ERC1: variants seen among roughly 807,000 people sequenced by gnomAD.
ERC1 encodes RAB6 interacting protein 2.
ERC1 carries 56 observed loss-of-function variants against 132.0 expected under a neutral mutation model. That is an observed-to-expected ratio of 0.42 (90% CI 0.34 to 0.53). The LOEUF (loss-of-function observed/expected upper bound fraction) is 0.53. Ranked by LOEUF, ERC1 falls within the 20% of genes least tolerant of loss-of-function variation. ERC1 has a pLI of 0.03. For synonymous variants in ERC1, 478 were observed against 476.1 expected (o/e 1.00, Z -0.05); for missense variants, 1,202 against 1,349.9 (o/e 0.89, Z 1.72).
chr12:1,104,542 A>G (rs570902826), intron 3 of ERC1, among the ~76,000 whole-genome samples: 2 of 152,266 alleles, frequency 1.3e-5, no homozygotes, highest in South Asian at 2.1e-4. Flanking sequence ...GTGTTCAGAG[A>G]TAGGGATCCT....
chr12:1,120,469 T>G (rs73039020), intron 7 of ERC1, among the ~76,000 whole-genome samples: 10,993 of 152,322 alleles, frequency 0.072, 471 homozygotes, highest in Middle Eastern at 0.12. Flanking sequence ...GAACTGCTTA[T>G]TAGCATACCA....
At chr12:1,151,104 A>C (rs1950794974) in intron 8 of ERC1, among the ~76,000 whole-genome samples, 2 of 152,206 alleles carry the variant, frequency 1.3e-5, no homozygotes, top group Non-Finnish European at 2.9e-5. Flanking sequence ...ATTCTAAACA[A>C]AAAGTGCATT....
rs149023939 is a variant in ERC1 at position 1,080,182 on chromosome 12, G to A, written c.670-2982G>A. Among the ~76,000 whole-genome samples, 19 of 152,258 alleles carry A rather than the reference G, an allele frequency of 1.2e-4. 1 individual carries two copies. Among genetic ancestry groups the A allele is most frequent in the African/African-American group, 4.3e-4 (18 of 41,550 alleles). ...AATTTACCATCTTAACCATTTCGAA[G>A]TGTACAGTTTAGTGGCATTCAGTAT... is the stretch of plus-strand genomic sequence containing the variant. On this transcript the variant is annotated intron_variant, in intron 2 of 18. Coordinates refer to ENST00000360905, the MANE Select transcript of ERC1 (RefSeq NM_178040.4).
intron 16 of ERC1, among the ~76,000 whole-genome samples, chr12:1,397,039 C>G (rs2090602529): frequency 6.6e-6 from 1 of 152,152 alleles, no homozygotes; most frequent in African/African-American, 2.4e-5. Flanking sequence ...CACTACTTGT[C>G]TGGGAAGTTC....
chr12:1,059,295 T>C (rs1416569408), intron 2 of ERC1, among the ~76,000 whole-genome samples: 3 of 152,214 alleles, frequency 2.0e-5, no homozygotes, highest in African/African-American at 7.2e-5. Context: ...GACATTTGAC[T>C]GCCTCTTTTG....
intron 18 of ERC1, among the ~76,000 whole-genome samples, chr12:1,484,867 G>GT (rs2094177192): frequency 2.7e-5 from 4 of 148,744 alleles, no homozygotes; most frequent in East Asian, 1.9e-4. Context: ...ACAGGCGTGA[G>GT]CCACCGTGCT....
intron 15 of ERC1, among the ~76,000 whole-genome samples, chr12:1,316,665 G>A (rs1036207789): frequency 1.3e-5 from 2 of 152,198 alleles, no homozygotes; most frequent in African/African-American, 4.8e-5. Flanking sequence ...CATTGTGGAA[G>A]ACACTGTGGC....
intron 18 of ERC1, among the ~76,000 whole-genome samples, chr12:1,477,774 T>C (rs2094003817): frequency 6.6e-6 from 1 of 152,214 alleles, no homozygotes; most frequent in African/African-American, 2.4e-5. Flanking sequence ...CAGTCACTCC[T>C]CATCCTCCAA....
intron 1 of ERC1, among the ~76,000 whole-genome samples, chr12:1,001,997 A>T (rs1962429983): frequency 6.6e-6 from 1 of 150,778 alleles, no homozygotes; most frequent in African/African-American, 2.4e-5. Flanking sequence ...AGTAGCTGGG[A>T]TTACAGGTGC....
At chr12:1,139,344 G>T (rs901188119) in intron 7 of ERC1, among the ~76,000 whole-genome samples, 4 of 152,138 alleles carry the variant, frequency 2.6e-5, no homozygotes, top group African/African-American at 9.7e-5. Context: ...CAGTGTCAGT[G>T]CTTGTGTTCA....
At chr12:1,425,934 ACTAT>A (rs375297938) in intron 17 of ERC1, among the ~76,000 whole-genome samples, 17 of 152,258 alleles carry the variant, frequency 1.1e-4, no homozygotes, top group African/African-American at 4.1e-4. Context: ...AGTGATGATA[ACTAT>A]CCTACTTTTC....
rs565094055 is a variant in ERC1 at position 1,493,503 on chromosome 12, C to T, written c.*3273C>T. On this transcript the variant is annotated 3_prime_UTR_variant, in exon 19 of 19. Transcript: ENST00000360905. Reference sequence around the variant, plus strand: ...GGTGAGCCGAGATCGTGTCACTGCACTCCAGCCTGGGTGACAGAGACTCCA... The same window carrying T: ...GGTGAGCCGAGATCGTGTCACTGCATTCCAGCCTGGGTGACAGAGACTCCA... 12 of 134,130 alleles carry T rather than the reference C, an allele frequency of 8.9e-5. No homozygotes were observed. The Admixed American group carries it at 1.0e-3, about 12-fold the overall frequency. The allele number at this position is 134,130 out of a possible 1,614,324, so 8.3% of individuals were successfully genotyped here.
intron 15 of ERC1, among the ~76,000 whole-genome samples, chr12:1,293,031 C>G (rs2079568845): frequency 6.6e-6 from 1 of 151,702 alleles, no homozygotes; most frequent in Non-Finnish European, 1.5e-5. Flanking sequence ...GTAATCCCAG[C>G]TACTCTGGAG....
intron 1 of ERC1, among the ~76,000 whole-genome samples, chr12:1,025,457 C>CT (rs1467086424): frequency 6.6e-6 from 1 of 152,056 alleles, no homozygotes; most frequent in Non-Finnish European, 1.5e-5. Flanking sequence ...TGGTATAATA[C>CT]TTTGTCATTT....
intron 8 of ERC1, among the ~76,000 whole-genome samples, chr12:1,149,290 G>T (rs1424823260): frequency 6.6e-6 from 1 of 152,056 alleles, no homozygotes; most frequent in Non-Finnish European, 1.5e-5. Flanking sequence ...TATTATTCTA[G>T]CTATAGTTTT....
intron 2 of ERC1, among the ~76,000 whole-genome samples, chr12:1,075,697 T>C (rs975714431): frequency 2.0e-5 from 3 of 147,966 alleles, no homozygotes; most frequent in Non-Finnish European, 4.5e-5. Context: ...TTGCACTCCA[T>C]CTCTTGGAAA....
intron 8 of ERC1, among the ~76,000 whole-genome samples, chr12:1,162,086 C>A (rs534622947): frequency 1.3e-5 from 2 of 152,282 alleles, no homozygotes; most frequent in East Asian, 3.9e-4. Context: ...CCATAGTCTT[C>A]CTTGCTTTCT....
chr12:1,346,100 T>C (rs1246001924), intron 15 of ERC1, among the ~76,000 whole-genome samples: 2 of 152,174 alleles, frequency 1.3e-5, no homozygotes, highest in African/African-American at 4.8e-5. Flanking sequence ...TGTGAGGAGC[T>C]AGGACTATTC....
At chr12:1,343,399 T>G (rs139069020) in intron 15 of ERC1, among the ~76,000 whole-genome samples, 32 of 152,308 alleles carry the variant, frequency 2.1e-4, no homozygotes, top group African/African-American at 7.2e-4. Flanking sequence ...CTCCGCTGAT[T>G]ATTTTGGCAT....
Sources: allele counts gnomAD v4.1 joint callset (sites outside exome capture counted in the v4.1 genomes callset), GRCh38; gene constraint gnomAD v4.1.1; transcripts MANE v1.5; gene names NCBI Gene and HGNC (gene_info 2026-07-23, HGNC 2026-07-21).